The following DLG2 variants were observed in gnomAD, a reference collection of about 807,000 sequenced individuals.
DLG2 encodes the protein disks large homolog 2.
In DLG2, 45 loss-of-function variants were observed where a neutral mutation model predicts 132.5. The ratio of observed to expected loss-of-function variants is 0.34; its 90% CI spans 0.27 to 0.44. DLG2 has a LOEUF of 0.44. Ranked by LOEUF, DLG2 falls within the 20% of genes least tolerant of loss-of-function variation. The probability of loss-of-function intolerance (pLI) is 1.00; values close to 1 mark genes in which losing one functional copy is unlikely to be tolerated. For synonymous variants in DLG2, 424 were observed against 419.6 expected (o/e 1.01, Z -0.13); for missense variants, 1,045 against 1,196.9 (o/e 0.87, Z 1.87).
intron 18 of DLG2, among the ~76,000 whole-genome samples, chr11:83,687,114 A>G (rs1442255425): frequency 6.6e-6 from 1 of 152,218 alleles, no homozygotes; most frequent in Non-Finnish European, 1.5e-5. Context: ...GGCCTAGACC[A>G]GGTATTTCCC....
intron 6 of DLG2, among the ~76,000 whole-genome samples, chr11:84,804,867 T>C (rs1284946719): frequency 6.6e-6 from 1 of 152,106 alleles, no homozygotes; most frequent in African/African-American, 2.4e-5. Context: ...AGGAGCCTAG[T>C]AGGGAGCTGA....
chr11:84,265,831 T>A (rs2097620359), intron 7 of DLG2, among the ~76,000 whole-genome samples: 1 of 152,078 alleles, frequency 6.6e-6, no homozygotes, highest in African/African-American at 2.4e-5. Flanking sequence ...AATAAAAATA[T>A]CTAAATGAAG....
At chr11:84,476,030 T>A (rs981807846) in intron 7 of DLG2, among the ~76,000 whole-genome samples, 1 of 152,174 alleles carries the variant, frequency 6.6e-6, no homozygotes, top group Non-Finnish European at 1.5e-5. Context: ...ATGAGGTATA[T>A]AATTCTTTAT....
At chr11:83,740,854 T>C (rs1036773624) in intron 18 of DLG2, among the ~76,000 whole-genome samples, 3 of 152,138 alleles carry the variant, frequency 2.0e-5, no homozygotes, top group African/African-American at 7.2e-5. Context: ...TTTACCTCTC[T>C]GCATACTAAA....
intron 4 of DLG2, among the ~76,000 whole-genome samples, chr11:85,191,749 G>T (rs2080591639): frequency 6.6e-6 from 1 of 152,116 alleles, no homozygotes; most frequent in South Asian, 2.1e-4. Flanking sequence ...AGATATGGCA[G>T]AAATATACTA....
intron 19 of DLG2, among the ~76,000 whole-genome samples, chr11:83,597,819 AC>A (rs2057882827): frequency 6.6e-6 from 1 of 151,846 alleles, no homozygotes; most frequent in Non-Finnish European, 1.5e-5. Context: ...ACAAACAAAC[AC>A]AAAAACCAAA....
At chr11:85,034,415 C>G (rs2061286778) in intron 6 of DLG2, among the ~76,000 whole-genome samples, 1 of 152,058 alleles carries the variant, frequency 6.6e-6, no homozygotes, top group Non-Finnish European at 1.5e-5. Flanking sequence ...GAAATGATAT[C>G]CAAAGCAAAA....
At chr11:85,565,916 T>G (rs1372747378) in intron 3 of DLG2, among the ~76,000 whole-genome samples, 1 of 152,210 alleles carries the variant, frequency 6.6e-6, no homozygotes, top group South Asian at 2.1e-4. Context: ...TTTAATTTTT[T>G]GAGAAACTGC....
At chr11:85,504,760 G>A (rs1314464286) in intron 3 of DLG2, among the ~76,000 whole-genome samples, 1 of 152,154 alleles carries the variant, frequency 6.6e-6, no homozygotes, top group South Asian at 2.1e-4. Flanking sequence ...AAAGTCATTG[G>A]TAGCTTGATG....
chr11:84,663,503 C>A (rs749945720), intron 6 of DLG2, among the ~76,000 whole-genome samples: 25 of 152,140 alleles, frequency 1.6e-4, no homozygotes, highest in Non-Finnish European at 2.9e-4. Context: ...AGAGTAGACA[C>A]AGAGCACAGC....
At chr11:83,678,983 G>T (rs989118555) in intron 18 of DLG2, among the ~76,000 whole-genome samples, 2 of 152,100 alleles carry the variant, frequency 1.3e-5, no homozygotes, top group African/African-American at 2.4e-5. Context: ...CTCTGAGAGG[G>T]ATTAAACATA....
chr11:84,164,640 T>C (rs1386391082), intron 8 of DLG2, among the ~76,000 whole-genome samples: 2 of 152,236 alleles, frequency 1.3e-5, no homozygotes, highest in Non-Finnish European at 2.9e-5. Flanking sequence ...AATTTACTTG[T>C]GTAATTTATA....
intron 8 of DLG2, among the ~76,000 whole-genome samples, chr11:84,225,469 T>G (rs935143149): frequency 6.6e-6 from 1 of 152,224 alleles, no homozygotes; most frequent in African/African-American, 2.4e-5. Flanking sequence ...TGTCACGATT[T>G]TTAATTGTCC....
chr11:84,107,756 A>G (rs2093067323), intron 9 of DLG2, among the ~76,000 whole-genome samples: 1 of 152,148 alleles, frequency 6.6e-6, no homozygotes, highest in Non-Finnish European at 1.5e-5. Flanking sequence ...GGCTGAAGGA[A>G]GTCTTAACTG....
chr11:84,809,412 T>A (rs1429741097), intron 6 of DLG2, among the ~76,000 whole-genome samples: 1 of 151,084 alleles, frequency 6.6e-6, no homozygotes, highest in Non-Finnish European at 1.5e-5. Context: ...TTTACCATAA[T>A]GCTTTAAATT....
intron 4 of DLG2, among the ~76,000 whole-genome samples, chr11:85,199,406 C>A (rs1415432113): frequency 6.6e-6 from 1 of 152,154 alleles, no homozygotes; most frequent in African/African-American, 2.4e-5. Flanking sequence ...TGAAGTGATT[C>A]TAAAGATGCA....
chr11:83,826,787 G>A (rs2052931177), intron 17 of DLG2, among the ~76,000 whole-genome samples: 1 of 152,106 alleles, frequency 6.6e-6, no homozygotes, highest in South Asian at 2.1e-4. Context: ...GAGTTTGGGT[G>A]ACTCCAAGTT....
At chr11:85,019,405 C>G (rs992628456) in intron 6 of DLG2, among the ~76,000 whole-genome samples, 5 of 152,078 alleles carry the variant, frequency 3.3e-5, no homozygotes, top group African/African-American at 1.2e-4. Flanking sequence ...AAAATTTCAA[C>G]TTAGACAAGT....
At chr11:84,161,544 CAAGT>C (rs2095546230) in intron 9 of DLG2, among the ~76,000 whole-genome samples, 1 of 152,104 alleles carries the variant, frequency 6.6e-6, no homozygotes, top group African/African-American at 2.4e-5. Flanking sequence ...GATCAGGAAA[CAAGT>C]AAGATCAGAA....
Sources: allele counts gnomAD v4.1 joint callset (sites outside exome capture counted in the v4.1 genomes callset), GRCh38; gene constraint gnomAD v4.1.1; transcripts MANE v1.5; gene names NCBI Gene and HGNC (gene_info 2026-07-23, HGNC 2026-07-21).